FBXL13: variants seen among roughly 807,000 people sequenced by gnomAD.
FBXL13 encodes the protein F-box and leucine-rich repeat protein 13.
FBXL13 carries 67 observed loss-of-function variants against 83.6 expected under a neutral mutation model. The ratio of observed to expected loss-of-function variants is 0.80; its 90% CI spans 0.66 to 0.98. FBXL13 has a LOEUF of 0.98. Ranked by LOEUF, FBXL13 falls within the 50% of genes least tolerant of loss-of-function variation. The probability of loss-of-function intolerance (pLI) is 0.00; values close to 1 mark genes in which losing one functional copy is unlikely to be tolerated. For missense variants in FBXL13, 822 were observed against 866.5 expected (o/e 0.95, Z 0.64); for synonymous variants, 272 against 299.5 (o/e 0.91, Z 0.95).
chr7:103,014,849 G>A (rs938619624), intron 6 of FBXL13, among the ~76,000 whole-genome samples: 9 of 150,160 alleles, frequency 6.0e-5, no homozygotes, highest in East Asian at 3.9e-4. Flanking sequence ...CATGAACCCC[G>A]GGGGGCGGAG....
At chr7:102,980,007 C>T (rs2129483303) in intron 6 of FBXL13, among the ~76,000 whole-genome samples, 1 of 152,202 alleles carries the variant, frequency 6.6e-6, no homozygotes, top group East Asian at 1.9e-4. Context: ...AGAACAGACC[C>T]TACAAACAAT....
At chr7:103,036,044 G>A (rs937244932) in intron 2 of FBXL13, among the ~76,000 whole-genome samples, 54 of 152,154 alleles carry the variant, frequency 3.5e-4, no homozygotes, top group African/African-American at 9.9e-4. Flanking sequence ...CTCATCAGCC[G>A]CAGCATTAGA....
At chr7:102,870,099 C>T (rs191592252) in intron 16 of FBXL13, among the ~76,000 whole-genome samples, 38 of 152,232 alleles carry the variant, frequency 2.5e-4, no homozygotes, top group Middle Eastern at 3.4e-3. Context: ...AACATGGAAA[C>T]GGCATGCCAA....
intron 2 of FBXL13, among the ~76,000 whole-genome samples, chr7:103,041,470 T>C (rs1206837616): frequency 6.6e-6 from 1 of 152,214 alleles, no homozygotes; most frequent in Non-Finnish European, 1.5e-5. Flanking sequence ...TAACTCTTTT[T>C]ATGAGGCTAG....
chr7:102,960,638 A>T (rs28887573), intron 8 of FBXL13, among the ~76,000 whole-genome samples: 1,659 of 152,008 alleles, frequency 0.011, 30 homozygotes, highest in African/African-American at 0.038. Flanking sequence ...TATCCACCAC[A>T]ATCAAGTGGG....
chr7:103,018,344 C>A (rs904544349), intron 6 of FBXL13, among the ~76,000 whole-genome samples: 2 of 152,164 alleles, frequency 1.3e-5, no homozygotes, highest in African/African-American at 4.8e-5. Flanking sequence ...CGGAAAGGAA[C>A]AACCGGTACC....
intron 6 of FBXL13, among the ~76,000 whole-genome samples, chr7:102,993,344 A>T (rs1417418114): frequency 6.6e-6 from 1 of 152,202 alleles, no homozygotes; most frequent in Non-Finnish European, 1.5e-5. Context: ...TTCTTCCCCA[A>T]GTGAGAAAAT....
intron 18 of FBXL13, chr7:102,827,060 TA>T: frequency 2.4e-6 from 1 of 421,570 alleles, no homozygotes; most frequent in African/African-American, 2.0e-5. Context: ...CTCTTGAATC[TA>T]AACTAACCTT....
At chr7:103,006,957 G>A (rs1203185841) in intron 6 of FBXL13, among the ~76,000 whole-genome samples, 1 of 152,060 alleles carries the variant, frequency 6.6e-6, no homozygotes, top group African/African-American at 2.4e-5. Context: ...AAGTTCACTG[G>A]AAGAGCCTAA....
At chr7:102,885,263 C>T (rs1212905062) in intron 11 of FBXL13, among the ~76,000 whole-genome samples, 1 of 152,184 alleles carries the variant, frequency 6.6e-6, no homozygotes, top group Admixed American at 6.5e-5. Context: ...ATAAGTGTTC[C>T]AATTTCTCCA....
At position 103,071,962 on chromosome 7, in the gene FBXL13, C is replaced by A. The variant is rs536758262; in HGVS notation, c.-105+2284G>T. 5.3e-5 allele frequency among the ~76,000 whole-genome samples: 8 copies of A among 152,116 alleles called. No homozygotes were observed. The East Asian group carries it at 1.4e-3, about 26-fold the overall frequency. ...CTTTGGGAGGCTGAGGCGGGTGGATCACCTGAGGTTAGGAGTTCGAGACCG... is the reference window on the plus strand; with the variant it reads ...CTTTGGGAGGCTGAGGCGGGTGGATAACCTGAGGTTAGGAGTTCGAGACCG... On this transcript the variant is annotated intron_variant, in intron 1 of 19. Coordinates refer to ENST00000313221, the Ensembl canonical transcript of FBXL13.
At chr7:102,856,916 T>C (rs1806122976) in intron 16 of FBXL13, among the ~76,000 whole-genome samples, 1 of 152,174 alleles carries the variant, frequency 6.6e-6, no homozygotes, top group South Asian at 2.1e-4. Context: ...AGTGAAAACA[T>C]ATGTTTACAA....
chr7:103,048,675 T>G (rs1222157712), intron 2 of FBXL13, among the ~76,000 whole-genome samples: 1 of 152,190 alleles, frequency 6.6e-6, no homozygotes, highest in East Asian at 1.9e-4. Flanking sequence ...AAAACCCTAT[T>G]ATGCTTTTAT....
At chr7:102,829,976 C>G (rs187813630) in intron 18 of FBXL13, among the ~76,000 whole-genome samples, 107 of 152,312 alleles carry the variant, frequency 7.0e-4, no homozygotes, top group African/African-American at 2.5e-3. Context: ...GACCCACAGT[C>G]TGACCAGAAC....
exon 17 of FBXL13, chr7:102,854,794 T>C: frequency 6.3e-7 from 1 of 1,583,284 alleles, no homozygotes; most frequent in Non-Finnish European, 8.6e-7. Flanking sequence ...CCATCATCAG[T>C]GATTCTATAA....
intron 10 of FBXL13, among the ~76,000 whole-genome samples, chr7:102,924,713 C>G (rs1221421051): frequency 6.9e-6 from 1 of 144,622 alleles, no homozygotes; most frequent in Non-Finnish European, 1.5e-5. Flanking sequence ...GCAATCTTGG[C>G]TCACTGCAAG....
intron 8 of FBXL13, among the ~76,000 whole-genome samples, chr7:102,937,986 C>G (rs975104508): frequency 6.6e-6 from 1 of 152,192 alleles, no homozygotes; most frequent in Non-Finnish European, 1.5e-5. Context: ...TTCAACCACA[C>G]AGACCTCAAT....
At chr7:102,894,411 T>C (rs1811997193) in intron 11 of FBXL13, among the ~76,000 whole-genome samples, 1 of 152,104 alleles carries the variant, frequency 6.6e-6, no homozygotes, top group African/African-American at 2.4e-5. Context: ...GATTTGTGTA[T>C]AGTGATTAAA....
intron 8 of FBXL13, among the ~76,000 whole-genome samples, chr7:102,960,287 G>A (rs1032677340): frequency 1.3e-5 from 2 of 152,008 alleles, no homozygotes; most frequent in South Asian, 2.1e-4. Context: ...AAACCAGGAA[G>A]AAGTTGAATC....
Sources: gnomAD v4.1 joint callset for allele counts (sites outside exome capture counted in the v4.1 genomes callset) on GRCh38, gnomAD v4.1.1 for gene constraint, MANE v1.5 for transcripts, NCBI Gene and HGNC (gene_info 2026-07-23, HGNC 2026-07-21) for gene names.